FZR1: variants seen among roughly 807,000 people sequenced by gnomAD.
FZR1 encodes fizzy-related protein homolog.
In FZR1, 11 loss-of-function variants were observed where a neutral mutation model predicts 63.6. The ratio of observed to expected loss-of-function variants is 0.17; its 90% CI spans 0.11 to 0.29. FZR1 has a LOEUF of 0.29. Ranked by LOEUF, FZR1 falls within the 10% of genes least tolerant of loss-of-function variation. The pLI is 1.00. For synonymous variants in FZR1, 328 were observed against 297.9 expected, an observed-to-expected ratio of 1.10 and a Z score of -1.04; for missense variants, 440 against 687.5, an observed-to-expected ratio of 0.64 and a Z score of 4.03.
intron 2 of FZR1, among the ~76,000 whole-genome samples, chr19:3,524,954 G>T (rs868594965): frequency 6.6e-5 from 10 of 152,120 alleles, no homozygotes; most frequent in Admixed American, 6.5e-4. Context: ...CCCAGGTTGC[G>T]GGGCTCAGGA....
rs57486013 is a variant in FZR1, at chr19:3,525,432, CTTTTTTTTTTT to C, written c.70-418_70-408del. ...TGTGTGGCTCCCCTCCTTGGGTTTT[CTTTTTTTTTTT>C]TTTTTTTTTTTTTTTTTGAGACGGA... On this transcript the variant is annotated intron_variant, in intron 2 of 13. Coordinates refer to ENST00000441788, the MANE Select transcript of FZR1 (RefSeq NM_016263.4). This position sits in a 1 kb window ranked among gnomAD's most constrained non-coding sequence, Gnocchi z 4.2. Among the ~76,000 whole-genome samples the C allele has an allele frequency of 4.4e-5, 3 of 68,700 alleles. No homozygotes were observed. Among genetic ancestry groups the C allele is most frequent in the East Asian group, 4.6e-4 (1 of 2,158 alleles). 45.1% of individuals were successfully genotyped at this position (68,700 alleles called of 152,430 possible).
rs1035747838 is a variant in FZR1 at position 3,506,454 on chromosome 19, C to G, written c.-55C>G. On this transcript the variant is annotated 5_prime_UTR_variant, in exon 1 of 14. Transcript: ENST00000441788. Reference sequence around the variant, plus strand: ...GAGAGGCGGGGTCGGCGGGAGCCAGCGAGCCACGGGAGCGAGCCAGGTGAG... The same window carrying G: ...GAGAGGCGGGGTCGGCGGGAGCCAGGGAGCCACGGGAGCGAGCCAGGTGAG... The G allele has an allele frequency of 6.6e-6, 1 of 151,350 alleles. No homozygotes were observed. Among genetic ancestry groups the G allele is most frequent in the African/African-American group, 2.4e-5 (1 of 41,294 alleles). 9.4% of individuals were successfully genotyped at this position (151,350 alleles called of 1,614,324 possible).
chr19:3,508,272 C>A (rs1179827228), intron 1 of FZR1, among the ~76,000 whole-genome samples: 2 of 147,842 alleles, frequency 1.4e-5, no homozygotes, highest in African/African-American at 5.0e-5. Context: ...TCTCGGCTCA[C>A]CGCAACCTCT....
Position 3,516,667 on chromosome 19 carries a change from C to G in FZR1, c.-34-6289C>G, listed in dbSNP as rs1206120410. 6.6e-6 allele frequency among the ~76,000 whole-genome samples: 1 copy of G among 152,228 alleles called. No individual in the cohort carries two copies. Among genetic ancestry groups the G allele is most frequent in the Non-Finnish European group, 1.5e-5 (1 of 68,040 alleles). On this transcript the variant is annotated intron_variant, in intron 1 of 13. Coordinates refer to ENST00000441788, the MANE Select transcript of FZR1 (RefSeq NM_016263.4). This position sits in a 1 kb window ranked among gnomAD's most constrained non-coding sequence, Gnocchi z 6.0. ...GTGGGAAGACAGTCTGCACACCCGTCTTGTGCACCCCTGCCCTCACTGCAG... is the reference window on the plus strand; with the variant it reads ...GTGGGAAGACAGTCTGCACACCCGTGTTGTGCACCCCTGCCCTCACTGCAG...
Position 3,527,080 on chromosome 19 carries a change from C to T in FZR1, c.470+18C>T, listed in dbSNP as rs1568236031. ...AACAAGAGGTGGGTCCCAGCTTCCT[C>T]CGCAGCCCTCCCTACTCCCTGTCTC... is the stretch of plus-strand genomic sequence containing the variant. On this transcript the variant is annotated intron_variant, in intron 6 of 13. Transcript: ENST00000441788. 1.9e-6 allele frequency: 3 copies of T among 1,545,214 alleles called. No individual in the cohort carries two copies. Among genetic ancestry groups the T allele is most frequent in the Non-Finnish European group, 2.7e-6 (3 of 1,118,966 alleles).
chr19:3,532,186 C>A, intron 10 of FZR1, 91 bp downstream of exon 10: 1 of 1,266,950 alleles, frequency 7.9e-7, no homozygotes, highest in Non-Finnish European at 1.1e-6. Flanking sequence ...GGGGCGGGCG[C>A]GGGCGCGGGG....
rs2029908396 is a variant in FZR1 at position 3,535,425 on chromosome 19, CA to C, written c.*590del. The C allele has an allele frequency of 6.5e-6, 1 of 153,710 alleles. No individual in the cohort carries two copies. The highest frequency in any genetic ancestry group is 2.4e-5 in the African/African-American group (1 of 41,502). 9.5% of individuals were successfully genotyped at this position (153,710 alleles called of 1,614,324 possible). ...GACAGTCCCCACCTGGGCTTCACGG[CA>C]TCCTTGCAGCCACCTCTGCTGTCAC... On this transcript the variant is annotated 3_prime_UTR_variant, in exon 14 of 14. Coordinates refer to ENST00000441788, the MANE Select transcript of FZR1 (RefSeq NM_016263.4).
rs200547364 is a variant in FZR1 at position 3,527,081 on chromosome 19, C to T, written c.470+19C>T. 5 of 1,541,310 alleles carry T rather than the reference C, an allele frequency of 3.2e-6. No homozygotes were observed. Among genetic ancestry groups the T allele is most frequent in the East Asian group, 4.5e-5 (2 of 44,576 alleles). On this transcript the variant is annotated intron_variant, in intron 6 of 13. Coordinates refer to ENST00000441788, the MANE Select transcript of FZR1 (RefSeq NM_016263.4). ...ACAAGAGGTGGGTCCCAGCTTCCTC[C>T]GCAGCCCTCCCTACTCCCTGTCTCC... is the stretch of plus-strand genomic sequence containing the variant.
At chr19:3,511,161 A>T (rs1237055445) in intron 1 of FZR1, among the ~76,000 whole-genome samples, 1 of 152,206 alleles carries the variant, frequency 6.6e-6, no homozygotes, top group African/African-American at 2.4e-5. Context: ...CCGCAGACCC[A>T]GGTGTCTTTT....
At chr19:3,508,355 C>T (rs945626128) in intron 1 of FZR1, among the ~76,000 whole-genome samples, 1 of 151,920 alleles carries the variant, frequency 6.6e-6, no homozygotes, top group African/African-American at 2.4e-5. Context: ...CGCACCACGC[C>T]CGGCTATTTT....
intron 1 of FZR1, among the ~76,000 whole-genome samples, chr19:3,511,903 T>C (rs561520678): frequency 1.3e-5 from 2 of 152,316 alleles, no homozygotes; most frequent in African/African-American, 4.8e-5. Context: ...CAGCTTGTTC[T>C]TCTGCAGGTG....
At position 3,516,512 on chromosome 19, in the gene FZR1, G is replaced by A. The variant is rs1001196290; in HGVS notation, c.-34-6444G>A. Reference sequence around the variant, plus strand: ...TGTTCTTCCTGCAGCGCAGCTGAGCGAGGGGCTTAGAGGGGTCGCTGGGGG... The same window carrying A: ...TGTTCTTCCTGCAGCGCAGCTGAGCAAGGGGCTTAGAGGGGTCGCTGGGGG... On this transcript the variant is annotated intron_variant, in intron 1 of 13. Transcript: ENST00000441788. The surrounding 1 kb of genome is among the most constrained non-coding windows in gnomAD (Gnocchi z 6.0). Among the ~76,000 whole-genome samples, 13 of 152,358 alleles carry A rather than the reference G, an allele frequency of 8.5e-5. No individual in the cohort carries two copies. Among genetic ancestry groups the A allele is most frequent in the South Asian group, 4.1e-4 (2 of 4,834 alleles).
intron 2 of FZR1, among the ~76,000 whole-genome samples, chr19:3,524,511 G>C (rs2083133311): frequency 6.6e-6 from 1 of 152,240 alleles, no homozygotes; most frequent in Non-Finnish European, 1.5e-5. Flanking sequence ...AAAGTGTCAA[G>C]GCCATGACTG....
At chr19:3,530,436 A>C (rs1294572943) in intron 7 of FZR1, among the ~76,000 whole-genome samples, 1 of 80,442 alleles carries the variant, frequency 1.2e-5, no homozygotes, top group Admixed American at 1.7e-4. Context: ...GGGAGAGCGG[A>C]TGGGAGAGCG....
rs2083053720 is a variant in FZR1, at chr19:3,515,668, G to A, written c.-34-7288G>A. On this transcript the variant is annotated intron_variant, in intron 1 of 13. Transcript: ENST00000441788. The surrounding 1 kb of genome is among the most constrained non-coding windows in gnomAD (Gnocchi z 4.6). ...TGTAGTCCCAGCTACTCGGGAGGCT[G>A]AGGCAGGAGAATGGTGTGAACCAGG... Among the ~76,000 whole-genome samples the A allele has an allele frequency of 6.6e-6, 1 of 151,802 alleles. No homozygotes were observed. Among genetic ancestry groups the A allele is most frequent in the African/African-American group, 2.4e-5 (1 of 41,296 alleles).
At chr19:3,507,392 C>T (rs2082992439) in intron 1 of FZR1, among the ~76,000 whole-genome samples, 1 of 151,956 alleles carries the variant, frequency 6.6e-6, no homozygotes, top group African/African-American at 2.4e-5. Flanking sequence ...CCCCCTCTTC[C>T]ACCGTCCAGA....
chr19:3,506,883 G>A (rs1432454516), intron 1 of FZR1, among the ~76,000 whole-genome samples: 1 of 152,094 alleles, frequency 6.6e-6, no homozygotes, highest in Admixed American at 6.5e-5. Flanking sequence ...TTTCTCCCTG[G>A]CCTGTCATCC....
rs906831676 is a variant in FZR1 at position 3,514,305 on chromosome 19, G to C, written c.-35+7831G>C. ...GGGGATGCCTGGCCACACTCTGCAG[G>C]TCTCGCTCATTCAAGTCACTTCCCT... On this transcript the variant is annotated intron_variant, in intron 1 of 13. Coordinates refer to ENST00000441788, the MANE Select transcript of FZR1 (RefSeq NM_016263.4). The surrounding 1 kb of genome is among the most constrained non-coding windows in gnomAD (Gnocchi z 4.2). 1.3e-5 allele frequency among the ~76,000 whole-genome samples: 2 copies of C among 152,152 alleles called. No homozygotes were observed. Among genetic ancestry groups the C allele is most frequent in the Admixed American group, 6.5e-5 (1 of 15,284 alleles).
At chr19:3,510,462 C>A (rs2083016747) in intron 1 of FZR1, among the ~76,000 whole-genome samples, 1 of 152,210 alleles carries the variant, frequency 6.6e-6, no homozygotes, top group South Asian at 2.1e-4. Context: ...GAGCGGCAGG[C>A]CGTTCAGATT....
Sources: allele counts gnomAD v4.1 joint callset (sites outside exome capture counted in the v4.1 genomes callset), GRCh38; gene constraint gnomAD v4.1.1; non-coding constraint Gnocchi (gnomAD v3.1); transcripts MANE v1.5; gene names NCBI Gene and HGNC (gene_info 2026-07-23, HGNC 2026-07-21).